Variants in PNLIPRP3 observed in about 807,000 individuals in gnomAD.
PNLIPRP3 encodes the protein pancreatic lipase-related protein 3.
A neutral mutation model predicts 52.8 loss-of-function variants in PNLIPRP3; 58 were observed. That is an observed-to-expected ratio of 1.10 (90% CI 0.89 to 1.37). The LOEUF is 1.37. PNLIPRP3 is among the 40% of genes most tolerant of loss of function. PNLIPRP3 has a pLI of 0.00. For missense variants in PNLIPRP3, 593 were observed against 561.6 expected (o/e 1.06, Z -0.57); for synonymous variants, 192 against 185.0 (o/e 1.04, Z -0.31).
At chr10:116,460,468 C>T (rs540674952) in intron 5 of PNLIPRP3, among the ~76,000 whole-genome samples, 8 of 152,174 alleles carry the variant, frequency 5.3e-5, no homozygotes, top group Non-Finnish European at 1.0e-4. Flanking sequence ...TGTCCAGTCA[C>T]TTCACTTCCC....
At chr10:116,454,683 A>G (rs1246449446) in intron 4 of PNLIPRP3, among the ~76,000 whole-genome samples, 1 of 152,166 alleles carries the variant, frequency 6.6e-6, no homozygotes, top group East Asian at 1.9e-4. Context: ...TTGTCTTTCT[A>G]TGCCTGGCTT....
chr10:116,459,967 C>T (rs556440734), intron 5 of PNLIPRP3, among the ~76,000 whole-genome samples: 12 of 152,234 alleles, frequency 7.9e-5, no homozygotes, highest in Non-Finnish European at 1.6e-4. Flanking sequence ...GGGGTTTCAC[C>T]ATCTTGGCCT....
At chr10:116,453,529 A>G (rs1415504708) in intron 4 of PNLIPRP3, among the ~76,000 whole-genome samples, 2 of 152,132 alleles carry the variant, frequency 1.3e-5, no homozygotes, top group African/African-American at 4.8e-5. Context: ...TTGAAATGTC[A>G]TCCCCAATTT....
chr10:116,443,799 GTGCATATATATATA>G (rs1333542345), intron 3 of PNLIPRP3, among the ~76,000 whole-genome samples: 10 of 7,708 alleles, frequency 1.3e-3, no homozygotes, highest in Non-Finnish European at 4.4e-3. Flanking sequence ...GTATGTGTGT[GTGCATATATATATA>G]TATATATATA....
chr10:116,437,642 T>C (rs1845795740), intron 2 of PNLIPRP3, among the ~76,000 whole-genome samples: 1 of 152,188 alleles, frequency 6.6e-6, no homozygotes, highest in African/African-American at 2.4e-5. Context: ...TTTTCAGAGA[T>C]GCTTTAGGGC....
At chr10:116,457,376 A>G (rs1846130826) in intron 5 of PNLIPRP3, among the ~76,000 whole-genome samples, 1 of 152,128 alleles carries the variant, frequency 6.6e-6, no homozygotes, top group African/African-American at 2.4e-5. Flanking sequence ...TCTCTCTCAC[A>G]CACACACACA....
At chr10:116,453,646 A>T (rs112303486) in intron 4 of PNLIPRP3, among the ~76,000 whole-genome samples, 1 of 152,056 alleles carries the variant, frequency 6.6e-6, no homozygotes, top group Non-Finnish European at 1.5e-5. Flanking sequence ...GTTAGTTCAC[A>T]CAAGATCTGA....
chr10:116,443,950 T>C (rs544161620), intron 3 of PNLIPRP3, among the ~76,000 whole-genome samples: 3 of 151,284 alleles, frequency 2.0e-5, no homozygotes, highest in Non-Finnish European at 4.4e-5. Flanking sequence ...TATAAAGAAC[T>C]GCCCTAGACT....
In PNLIPRP3 at chr10:116,444,393, G is replaced by A; in HGVS notation, c.336G>A (p.Gln112=). 3.7e-6 allele frequency: 6 copies of A among 1,607,952 alleles called. No homozygotes were observed. Among genetic ancestry groups the A allele is most frequent in the Non-Finnish European group, 5.1e-6 (6 of 1,176,698 alleles). ...AATCTTTGTGCCAGGTGTTGCTACA[G>A]CTGGAAGATATAAATTGCATTAATT... is the stretch of plus-strand genomic sequence containing the variant. The part of the protein sequence containing the change: ...WQRDMCNVLL[Q]LEDINCINLD... The change falls in exon 4 of 12, where the codon CAG becomes CAA. Residue 112 remains glutamine, a synonymous_variant. Coordinates refer to ENST00000369230, the MANE Select transcript of PNLIPRP3 (RefSeq NM_001011709.3).
At chr10:116,443,789 G>T in intron 3 of PNLIPRP3, among the ~76,000 whole-genome samples, 1 of 14,078 alleles carries the variant, frequency 7.1e-5, no homozygotes, top group South Asian at 0.013. Flanking sequence ...GTGTGTGTAT[G>T]TATGTGTGTG....
At position 116,471,861 on chromosome 10, in the gene PNLIPRP3, G is replaced by C. The variant is rs760837463; in HGVS notation, c.1154G>C (p.Gly385Ala). 1.1e-5 allele frequency: 17 copies of C among 1,592,550 alleles called. No individual in the cohort carries two copies. Among genetic ancestry groups the C allele is most frequent in the African/African-American group, 1.3e-5 (1 of 74,192 alleles). The part of the protein sequence containing the change: ...LRVGGAVRKT[G>A]EFAIVSGKLE... Reference sequence around the variant, plus strand: ...GTAGGCGGGGCAGTTAGGAAAACTGGGGAGTTTGCCATTGTCAGGTAGGCA... The same window carrying C: ...GTAGGCGGGGCAGTTAGGAAAACTGCGGAGTTTGCCATTGTCAGGTAGGCA... The change falls in exon 10 of 12, where the codon GGG (glycine) becomes GCG (alanine). Residue 385 changes from glycine (G) to alanine (A), a missense_variant. Coordinates refer to ENST00000369230, the MANE Select transcript of PNLIPRP3 (RefSeq NM_001011709.3).
intron 10 of PNLIPRP3, among the ~76,000 whole-genome samples, chr10:116,475,663 A>G (rs944755189): frequency 4.6e-5 from 7 of 152,238 alleles, no homozygotes; most frequent in Admixed American, 1.3e-4. Flanking sequence ...GCAAATATGT[A>G]GGTGCCTACG....
At chr10:116,445,119 GTTCA>G (rs563534810) in intron 4 of PNLIPRP3, among the ~76,000 whole-genome samples, 2 of 152,090 alleles carry the variant, frequency 1.3e-5, no homozygotes, top group Admixed American at 6.6e-5. Context: ...TTTAAGGAGG[GTTCA>G]TTCATTCATT....
intron 1 of PNLIPRP3, among the ~76,000 whole-genome samples, chr10:116,430,551 C>T (rs1262741008): frequency 2.6e-5 from 4 of 152,064 alleles, no homozygotes; most frequent in Non-Finnish European, 5.9e-5. Flanking sequence ...GAAGCAAGAA[C>T]AGGAGAGAAG....
intron 10 of PNLIPRP3, among the ~76,000 whole-genome samples, chr10:116,472,718 A>T (rs1287415877): frequency 6.6e-6 from 1 of 152,114 alleles, no homozygotes; most frequent in Non-Finnish European, 1.5e-5. Flanking sequence ...CTGGATCCTG[A>T]TTGGTGCACA....
chr10:116,443,146 A>G lies in PNLIPRP3; in HGVS notation c.296A>G (p.Asp99Gly). The G allele has an allele frequency of 6.2e-7, 1 of 1,611,102 alleles. No homozygotes were observed. Among genetic ancestry groups the G allele is most frequent in the Non-Finnish European group, 8.5e-7 (1 of 1,178,232 alleles). Residue 99 changes from aspartate to glycine, a missense_variant, in exon 3 of 12, where the codon GAT (aspartate) becomes GGT (glycine). Asp to Gly is a moderately conservative substitution (Grantham distance 94). Transcript: ENST00000369230. The part of the protein sequence containing the change: ...TRINIAGWKT[D>G]GKWQRDMCNV... The stretch of plus-strand genomic sequence containing the variant: ...ATCAACATAGCTGGATGGAAAACAG[A>G]TGGCAAATGGCAGAGAGACATGTGC...
chr10:116,452,146 CCA>C (rs1217559493), intron 4 of PNLIPRP3, among the ~76,000 whole-genome samples: 1 of 152,154 alleles, frequency 6.6e-6, no homozygotes, highest in Non-Finnish European at 1.5e-5. Context: ...TGCATTGTGT[CCA>C]CACCCTGGGG....
chr10:116,444,289 T>A, intron 3 of PNLIPRP3, 93 bp from the exon 4 acceptor site: 1 of 1,090,530 alleles, frequency 9.2e-7, no homozygotes, highest in East Asian at 2.7e-5. Flanking sequence ...ATCAACCTAC[T>A]AGTATAATTT....
At chr10:116,431,135 T>G (rs559387029) in intron 1 of PNLIPRP3, among the ~76,000 whole-genome samples, 13 of 152,182 alleles carry the variant, frequency 8.5e-5, no homozygotes, top group Non-Finnish European at 1.3e-4. Flanking sequence ...TCAAAATCCA[T>G]GCAGAACCTG....
Sources: gnomAD v4.1 joint callset for allele counts (sites outside exome capture counted in the v4.1 genomes callset) on GRCh38, gnomAD v4.1.1 for gene constraint, MANE v1.5 for transcripts, NCBI Gene and HGNC (gene_info 2026-07-23, HGNC 2026-07-21) for gene names.